The following CNTNAP2 variants were observed in gnomAD, a reference collection of about 807,000 sequenced individuals.
CNTNAP2 encodes contactin associated protein 2.
Under a neutral mutation model 155.2 loss-of-function variants are expected in CNTNAP2, and 98 were observed. That is an observed-to-expected ratio of 0.63 (90% CI 0.54 to 0.75). The LOEUF is 0.75. Among genes scored for constraint, CNTNAP2 ranks in the 30% least tolerant of loss-of-function variants. The probability of loss-of-function intolerance (pLI) is 0.00; values close to 1 mark genes in which losing one functional copy is unlikely to be tolerated. For missense variants in CNTNAP2, 1,727 were observed against 1,688.1 expected (o/e 1.02, Z -0.40); for synonymous variants, 651 against 631.2 (o/e 1.03, Z -0.47).
chr7:146,660,615 G>A (rs1020741033), intron 1 of CNTNAP2, among the ~76,000 whole-genome samples: 9 of 152,142 alleles, frequency 5.9e-5, no homozygotes, highest in African/African-American at 9.7e-5. Flanking sequence ...GAGATAATGC[G>A]TATAACACTA....
At chr7:147,476,920 T>A (rs1454098092) in intron 10 of CNTNAP2, among the ~76,000 whole-genome samples, 2 of 97,964 alleles carry the variant, frequency 2.0e-5, no homozygotes, top group Non-Finnish European at 3.9e-5. Context: ...AGAGCGAGAC[T>A]CTGTCATTTA....
At chr7:147,451,349 C>G (rs1415354033) in intron 10 of CNTNAP2, among the ~76,000 whole-genome samples, 7 of 152,064 alleles carry the variant, frequency 4.6e-5, no homozygotes, top group Non-Finnish European at 1.5e-5. Flanking sequence ...TTTTGGATAC[C>G]ACTAATAATA....
chr7:146,765,398 C>A (rs903565381), intron 1 of CNTNAP2, among the ~76,000 whole-genome samples: 7 of 152,138 alleles, frequency 4.6e-5, no homozygotes, highest in African/African-American at 1.7e-4. Context: ...ATGGAAAATA[C>A]AAAAATACAT....
intron 1 of CNTNAP2, among the ~76,000 whole-genome samples, chr7:146,234,685 A>G (rs868825117): frequency 6.6e-6 from 1 of 152,130 alleles, no homozygotes; most frequent in South Asian, 2.1e-4. Flanking sequence ...ACATATGGCT[A>G]GCCAGTTTTC....
intron 3 of CNTNAP2, among the ~76,000 whole-genome samples, chr7:146,983,091 T>G (rs964904049): frequency 7.2e-5 from 11 of 152,180 alleles, no homozygotes; most frequent in African/African-American, 2.4e-4. Flanking sequence ...AATAGTAGAC[T>G]GATAAATTGT....
intron 11 of CNTNAP2, among the ~76,000 whole-genome samples, chr7:147,525,092 G>A (rs1266465128): frequency 6.6e-6 from 1 of 152,172 alleles, no homozygotes; most frequent in African/African-American, 2.4e-5. Context: ...AGCCACAAAC[G>A]GGTGACAGAA....
chr7:147,692,719 G>A (rs1403957395), intron 13 of CNTNAP2, among the ~76,000 whole-genome samples: 2 of 151,864 alleles, frequency 1.3e-5, no homozygotes. Context: ...GTTTTAAGAG[G>A]GCTTTTTTCG....
chr7:146,754,832 A>T (rs1321774522), intron 1 of CNTNAP2, among the ~76,000 whole-genome samples: 1 of 151,940 alleles, frequency 6.6e-6, no homozygotes, highest in Non-Finnish European at 1.5e-5. Flanking sequence ...GAAACCACAC[A>T]CCGTATTCTC....
At chr7:148,193,507 G>A (rs1463696944) in intron 18 of CNTNAP2, among the ~76,000 whole-genome samples, 1 of 152,046 alleles carries the variant, frequency 6.6e-6, no homozygotes, top group Admixed American at 6.6e-5. Context: ...GGAAGAAAGG[G>A]ACCACAAGGG....
At chr7:146,426,485 A>G (rs893351070) in intron 1 of CNTNAP2, among the ~76,000 whole-genome samples, 13 of 151,212 alleles carry the variant, frequency 8.6e-5, no homozygotes, top group Non-Finnish European at 1.9e-4. Context: ...ACACACACAC[A>G]TATACACATA....
chr7:146,851,086 G>A (rs1045607823), intron 3 of CNTNAP2, among the ~76,000 whole-genome samples: 1 of 152,118 alleles, frequency 6.6e-6, no homozygotes, highest in African/African-American at 2.4e-5. Flanking sequence ...CCAAGTTCAA[G>A]CGATTCTCCT....
At chr7:146,691,519 C>T (rs1400254109) in intron 1 of CNTNAP2, among the ~76,000 whole-genome samples, 4 of 152,032 alleles carry the variant, frequency 2.6e-5, no homozygotes, top group East Asian at 3.9e-4. Flanking sequence ...AAAAGTAAAA[C>T]GCAGAGTTGT....
intron 18 of CNTNAP2, among the ~76,000 whole-genome samples, chr7:148,200,516 T>A (rs998757539): frequency 6.6e-6 from 1 of 151,800 alleles, no homozygotes; most frequent in African/African-American, 2.4e-5. Context: ...CTTCCTAGCC[T>A]CCTGAGTAGC....
chr7:147,668,787 A>T (rs1214486188), intron 13 of CNTNAP2, among the ~76,000 whole-genome samples: 1 of 152,152 alleles, frequency 6.6e-6, no homozygotes, highest in Admixed American at 6.5e-5. Context: ...ATTATCAAAG[A>T]GAAAAGTTTT....
At chr7:148,268,531 T>C (rs1038680724) in intron 21 of CNTNAP2, among the ~76,000 whole-genome samples, 4 of 152,060 alleles carry the variant, frequency 2.6e-5, no homozygotes, top group Non-Finnish European at 5.9e-5. Context: ...GGTGGGCGTC[T>C]GTAGTCCCAG....
At chr7:147,092,137 T>A (rs1179030890) in intron 4 of CNTNAP2, among the ~76,000 whole-genome samples, 2 of 152,218 alleles carry the variant, frequency 1.3e-5, no homozygotes, top group Non-Finnish European at 2.9e-5. Flanking sequence ...ATTGTTAAGA[T>A]TGACCTAAGC....
chr7:147,910,219 G>T (rs1193288228), intron 14 of CNTNAP2, among the ~76,000 whole-genome samples: 3 of 151,996 alleles, frequency 2.0e-5, no homozygotes, highest in Non-Finnish European at 4.4e-5. Context: ...CTTTTTTCAT[G>T]AAGTTTTAGA....
chr7:146,922,078 C>T lies in CNTNAP2; in HGVS notation c.402+82174C>T, dbSNP rs901154455. Among the ~76,000 whole-genome samples, 3 of 152,166 alleles carry T rather than the reference C, an allele frequency of 2.0e-5. No individual in the cohort carries two copies. In the East Asian group the frequency reaches 5.8e-4, roughly 29 times the overall value. ...AATGATAGATATCACATCAGACCCA[C>T]CCAGTAATAATGCCAGTAGTCTGTT... On this transcript the variant is annotated intron_variant, in intron 3 of 23. Coordinates refer to ENST00000361727, the MANE Select transcript of CNTNAP2 (RefSeq NM_014141.6).
At chr7:146,304,595 GC>G in intron 1 of CNTNAP2, among the ~76,000 whole-genome samples, 1 of 152,122 alleles carries the variant, frequency 6.6e-6, no homozygotes. Flanking sequence ...TTGAATATTG[GC>G]CCCCACTCTC....
Sources: gnomAD v4.1 joint callset for allele counts (sites outside exome capture counted in the v4.1 genomes callset) on GRCh38, gnomAD v4.1.1 for gene constraint, MANE v1.5 for transcripts, NCBI Gene and HGNC (gene_info 2026-07-23, HGNC 2026-07-21) for gene names.